Variants in HMG20A observed in about 807,000 individuals in gnomAD.
The protein encoded by HMG20A is high mobility group 20A.
Under a neutral mutation model 43.9 loss-of-function variants are expected in HMG20A, and 17 were observed. The ratio of observed to expected loss-of-function variants is 0.39; its 90% CI spans 0.27 to 0.58. The LOEUF is 0.58. Among genes scored for constraint, HMG20A ranks in the 20% least tolerant of loss-of-function variants. The pLI is 0.59. For synonymous variants in HMG20A, 132 were observed against 147.5 expected (o/e 0.89, Z 0.76); for missense variants, 341 against 438.2 (o/e 0.78, Z 1.98).
intron 1 of HMG20A, among the ~76,000 whole-genome samples, chr15:77,437,888 TTTA>T (rs1306530297): frequency 6.6e-6 from 1 of 152,058 alleles, no homozygotes; most frequent in Non-Finnish European, 1.5e-5. Flanking sequence ...GTTGAAACTC[TTTA>T]AAAGTAAAGA....
chr15:77,426,096 T>A (rs914294186), intron 1 of HMG20A, among the ~76,000 whole-genome samples: 5 of 152,134 alleles, frequency 3.3e-5, no homozygotes, highest in Non-Finnish European at 5.9e-5. Context: ...AGTACATTAG[T>A]GGATGGGAAT....
chr15:77,518,009 TA>T, the HMG20A span, among the ~76,000 whole-genome samples: 96,283 of 151,684 alleles, frequency 0.63, 31,213 homozygotes, highest in Non-Finnish European at 0.71. Flanking sequence ...TAGCAGATGT[TA>T]AAAAAAAATC....
intron 1 of HMG20A, among the ~76,000 whole-genome samples, chr15:77,422,420 A>T (rs2073375147): frequency 6.6e-6 from 1 of 152,204 alleles, no homozygotes; most frequent in Admixed American, 6.5e-5. Flanking sequence ...GTTCGAGACC[A>T]GCCTGGCCAG....
intron 1 of HMG20A, among the ~76,000 whole-genome samples, chr15:77,422,811 G>A (rs2073384911): frequency 6.6e-6 from 1 of 152,124 alleles, no homozygotes; most frequent in Admixed American, 6.5e-5. Flanking sequence ...GACTGAAAAA[G>A]CAAGACAAAA....
chr15:77,460,489 C>A (rs937063203), intron 2 of HMG20A, among the ~76,000 whole-genome samples: 58 of 152,074 alleles, frequency 3.8e-4, no homozygotes, highest in African/African-American at 1.3e-3. Flanking sequence ...TATTAGATAT[C>A]TAAGTGGAGA....
downstream of HMG20A, among the ~76,000 whole-genome samples, chr15:77,486,075 T>C (rs1027732055): frequency 6.6e-6 from 1 of 152,280 alleles, no homozygotes; most frequent in Non-Finnish European, 1.5e-5. Flanking sequence ...AAATGTATCT[T>C]TACCGGTTTG....
chr15:77,466,171 A>C (rs2072755036), intron 3 of HMG20A, among the ~76,000 whole-genome samples: 1 of 152,230 alleles, frequency 6.6e-6, no homozygotes, highest in Admixed American at 6.5e-5. Context: ...ACCTGAGGTC[A>C]GGAGTTCGAG....
At chr15:77,492,015 CA>C in the HMG20A span, among the ~76,000 whole-genome samples, 3 of 152,236 alleles carry the variant, frequency 2.0e-5, no homozygotes, top group Non-Finnish European at 2.9e-5. Flanking sequence ...CACAGCCTCT[CA>C]ACCATTTTTC....
At chr15:77,445,188 A>G (rs2073659501) in intron 1 of HMG20A, among the ~76,000 whole-genome samples, 2 of 152,124 alleles carry the variant, frequency 1.3e-5, no homozygotes, top group African/African-American at 2.4e-5. Context: ...ACGATTTAGG[A>G]TTTATTGCCT....
At chr15:77,468,595 T>A (rs1399403789) in intron 4 of HMG20A, among the ~76,000 whole-genome samples, 1 of 123,852 alleles carries the variant, frequency 8.1e-6, no homozygotes, top group African/African-American at 3.0e-5. Flanking sequence ...TCTCTCTCTC[T>A]GTCACACACA....
intron 1 of HMG20A, among the ~76,000 whole-genome samples, chr15:77,433,338 TAAAAAAAAAAAAA>T (rs56217820): frequency 1.7e-5 from 2 of 118,522 alleles, no homozygotes; most frequent in African/African-American, 6.7e-5. Context: ...ACCCTGTCTC[TAAAAAAAAAAAAA>T]AAAAAAAAAA....
chr15:77,509,350 G>A, the HMG20A span, among the ~76,000 whole-genome samples: 2 of 151,764 alleles, frequency 1.3e-5, no homozygotes, highest in African/African-American at 4.8e-5. Flanking sequence ...ATCTCTCTGG[G>A]CTCAAGCAAT....
At chr15:77,515,001 T>TG in the HMG20A span, among the ~76,000 whole-genome samples, 11 of 152,284 alleles carry the variant, frequency 7.2e-5, no homozygotes, top group African/African-American at 2.6e-4. Context: ...CTTGAGTGAC[T>TG]GGGCAGATTG....
rs550384028 is a variant in HMG20A, at chr15:77,464,151, C to T, written c.90-89C>T. Reference sequence around the variant, plus strand: ...TTGGGGGAATTAATTCAAGGACTGGCATGTGCTTTTGCTGGCAGGGAAATT... The same window carrying T: ...TTGGGGGAATTAATTCAAGGACTGGTATGTGCTTTTGCTGGCAGGGAAATT... On this transcript the variant is annotated intron_variant, in intron 2 of 9. Transcript: ENST00000336216. The T allele has an allele frequency of 1.1e-4, 144 of 1,346,772 alleles. No homozygotes were observed. The South Asian group carries it at 1.8e-3, about 16-fold the overall frequency. 83.4% of individuals were successfully genotyped at this position (1,346,772 alleles called of 1,614,324 possible).
chr15:77,457,292 C>A (rs1437375120), intron 1 of HMG20A, among the ~76,000 whole-genome samples: 1 of 152,198 alleles, frequency 6.6e-6, no homozygotes, highest in Non-Finnish European at 1.5e-5. Flanking sequence ...CTTTTAATTG[C>A]TGTTTCACCA....
chr15:77,506,653 G>A, the HMG20A span, among the ~76,000 whole-genome samples: 5 of 152,192 alleles, frequency 3.3e-5, no homozygotes, highest in Admixed American at 1.3e-4. Context: ...ACAGAGCTCC[G>A]CCTCTGAGAC....
At chr15:77,436,533 A>G (rs1227555146) in intron 1 of HMG20A, among the ~76,000 whole-genome samples, 1 of 150,910 alleles carries the variant, frequency 6.6e-6, no homozygotes, top group African/African-American at 2.4e-5. Context: ...TTCTCGGCTC[A>G]TTGAATCCTC....
chr15:77,426,141 G>T (rs2073425274), intron 1 of HMG20A, among the ~76,000 whole-genome samples: 1 of 152,148 alleles, frequency 6.6e-6, no homozygotes, highest in African/African-American at 2.4e-5. Flanking sequence ...TCCTTTGGAA[G>T]TGATGAAAAT....
chr15:77,465,275 A>G (rs1200393779), intron 3 of HMG20A, among the ~76,000 whole-genome samples: 1 of 149,908 alleles, frequency 6.7e-6, no homozygotes, highest in Admixed American at 6.6e-5. Context: ...AAAAAAAAAA[A>G]AAAAAAAAAA....
Sources: gnomAD v4.1 joint callset for allele counts (sites outside exome capture counted in the v4.1 genomes callset) on GRCh38, gnomAD v4.1.1 for gene constraint, MANE v1.5 for transcripts, NCBI Gene and HGNC (gene_info 2026-07-23, HGNC 2026-07-21) for gene names.